Variants in MYO3B observed in about 807,000 individuals in gnomAD.
MYO3B encodes the protein myosin-IIIb.
A neutral mutation model predicts 174.6 loss-of-function variants in MYO3B; 156 were observed. The ratio of observed to expected loss-of-function variants is 0.89; its 90% confidence interval spans 0.78 to 1.02. MYO3B has a LOEUF of 1.02. Ranked by LOEUF, MYO3B falls within the 50% of genes least tolerant of loss-of-function variation. The pLI is 0.00. For missense variants in MYO3B, 1,632 were observed against 1,639.4 expected (o/e 1.00, Z 0.08); for synonymous variants, 563 against 569.1 (o/e 0.99, Z 0.15).
intron 7 of MYO3B, chr2:170,334,841 G>A (rs1249686917): frequency 6.6e-6 from 1 of 152,336 alleles, no homozygotes; most frequent in Non-Finnish European, 1.5e-5. Context: ...ACTTCACGGA[G>A]TCTGGGACAT....
chr2:170,351,473 AGGCCTGTGGCTG>A (rs2094069034), intron 8 of MYO3B, among the ~76,000 whole-genome samples: 1 of 152,150 alleles, frequency 6.6e-6, no homozygotes, highest in African/African-American at 2.4e-5. Flanking sequence ...ATAAGCAGCC[AGGCCTGTGGCTG>A]CCACAGTCAT....
chr2:170,368,042 T>G (rs2094211644), intron 8 of MYO3B, among the ~76,000 whole-genome samples: 3 of 152,244 alleles, frequency 2.0e-5, no homozygotes, highest in Admixed American at 2.0e-4. Context: ...GTAAGGGATA[T>G]GAAAGTGTTT....
At chr2:170,210,505 G>C (rs1016635718) in intron 3 of MYO3B, among the ~76,000 whole-genome samples, 88 of 152,172 alleles carry the variant, frequency 5.8e-4, no homozygotes, top group African/African-American at 2.1e-3. Context: ...AACCTGGTAA[G>C]TTGTTTTAAT....
intron 22 of MYO3B, among the ~76,000 whole-genome samples, chr2:170,411,013 C>T (rs374964915): frequency 4.2e-5 from 6 of 143,466 alleles, no homozygotes; most frequent in Admixed American, 1.4e-4. Context: ...TGACACCCCC[C>T]ATCTCTGAAA....
intron 32 of MYO3B, among the ~76,000 whole-genome samples, chr2:170,631,819 G>A (rs375424917): frequency 7.3e-5 from 11 of 151,582 alleles, no homozygotes; most frequent in African/African-American, 7.3e-5. Flanking sequence ...CCAAGCAAAC[G>A]GAAAACAAAA....
chr2:170,346,899 C>G (rs912888946), intron 8 of MYO3B, among the ~76,000 whole-genome samples: 1 of 152,194 alleles, frequency 6.6e-6, no homozygotes, highest in Non-Finnish European at 1.5e-5. Flanking sequence ...GCATCATGAT[C>G]GCTTAGTGAC....
chr2:170,434,574 T>C (rs138111674), intron 22 of MYO3B, among the ~76,000 whole-genome samples: 199 of 152,168 alleles, frequency 1.3e-3, no homozygotes, highest in African/African-American at 4.2e-3. Context: ...AGTGCTTTAG[T>C]GGGAGTCAGG....
intron 22 of MYO3B, among the ~76,000 whole-genome samples, chr2:170,425,595 A>G (rs2105869629): frequency 6.6e-6 from 1 of 152,328 alleles, no homozygotes; most frequent in East Asian, 1.9e-4. Flanking sequence ...GCTTCTCCAT[A>G]ACAATAGTGA....
chr2:170,431,842 G>A (rs973089519), intron 22 of MYO3B, among the ~76,000 whole-genome samples: 1 of 152,176 alleles, frequency 6.6e-6, no homozygotes, highest in Non-Finnish European at 1.5e-5. Flanking sequence ...TCTATATACA[G>A]TTATGCATCA....
intron 23 of MYO3B, among the ~76,000 whole-genome samples, chr2:170,456,137 G>A (rs958293463): frequency 6.6e-6 from 1 of 152,010 alleles, no homozygotes; most frequent in African/African-American, 2.4e-5. Context: ...AAGGGAGAGG[G>A]AGATGGAGAA....
chr2:170,360,801 T>C (rs1323020671), intron 8 of MYO3B, among the ~76,000 whole-genome samples: 2 of 152,218 alleles, frequency 1.3e-5, no homozygotes, highest in Non-Finnish European at 2.9e-5. Flanking sequence ...CCTTCCACTG[T>C]GTGAAGACAC....
intron 7 of MYO3B, among the ~76,000 whole-genome samples, chr2:170,246,056 T>G (rs575246659): frequency 1.3e-5 from 2 of 152,338 alleles, no homozygotes; most frequent in South Asian, 4.1e-4. Context: ...CAAATATAAT[T>G]TTGGGATAAC....
Position 170,401,489 on chromosome 2 carries a change from G to A in MYO3B, c.1927G>A (p.Val643Ile), listed in dbSNP as rs763921559. The part of the protein sequence containing the change: ...NAEALQNAAS[V>I]LCISPEELQE... The stretch of plus-strand genomic sequence containing the variant: ...CTTACTCTTTGTTTCAGCTGCCTCT[G>A]TTCTGTGCATTAGCCCTGAAGAGCT... The change falls in exon 18 of 35, where the codon GTT becomes ATT. Residue 643 changes from valine (V) to isoleucine (I), a missense_variant. By Grantham distance (29) the Val-to-Ile change is conservative (BLOSUM62 3). Transcript: ENST00000408978. 1.1e-5 allele frequency: 18 copies of A among 1,613,960 alleles called. No individual in the cohort carries two copies. Among genetic ancestry groups the A allele is most frequent in the East Asian group, 4.5e-5 (2 of 44,872 alleles).
chr2:170,231,536 G>A (rs1430180582), intron 6 of MYO3B, among the ~76,000 whole-genome samples: 3 of 152,224 alleles, frequency 2.0e-5, no homozygotes, highest in Admixed American at 2.0e-4. Flanking sequence ...AAGCAGCAGT[G>A]TAGTCTAACT....
intron 7 of MYO3B, among the ~76,000 whole-genome samples, chr2:170,330,314 TG>T (rs1170190317): frequency 1.3e-5 from 2 of 152,230 alleles, no homozygotes; most frequent in Non-Finnish European, 2.9e-5. Flanking sequence ...TTTTTTTGCA[TG>T]TATGTTCTCT....
intron 7 of MYO3B, among the ~76,000 whole-genome samples, chr2:170,280,512 G>T (rs539860157): frequency 6.7e-6 from 1 of 148,846 alleles, no homozygotes; most frequent in East Asian, 1.9e-4. Flanking sequence ...ATTTTGCCAT[G>T]AAATTTTTGC....
chr2:170,337,774 G>A (rs553941661), intron 8 of MYO3B: 2 of 152,268 alleles, frequency 1.3e-5, no homozygotes, highest in South Asian at 4.1e-4. Context: ...ATTATATACT[G>A]TATTCTTACA....
intron 32 of MYO3B, chr2:170,644,431 T>A (rs1336122271): frequency 2.6e-5 from 4 of 152,136 alleles, no homozygotes; most frequent in Non-Finnish European, 4.4e-5. Context: ...GAATTACAGG[T>A]GCACACCACC....
chr2:170,650,139 T>C (rs1291103017), intron 32 of MYO3B, among the ~76,000 whole-genome samples: 1 of 149,316 alleles, frequency 6.7e-6, no homozygotes, highest in African/African-American at 2.5e-5. Context: ...TTCAAGTGAT[T>C]CTCCTGCCTC....
Sources: allele counts gnomAD v4.1 joint callset (sites outside exome capture counted in the v4.1 genomes callset), GRCh38; gene constraint gnomAD v4.1.1; transcripts MANE v1.5; gene names NCBI Gene and HGNC (gene_info 2026-07-23, HGNC 2026-07-21).